The following SPIRE1 variants were observed in gnomAD, a reference collection of about 807,000 sequenced individuals.
SPIRE1 encodes protein spire homolog 1.
In SPIRE1, 40 loss-of-function variants were observed where a neutral mutation model predicts 94.1. The ratio of observed to expected loss-of-function variants is 0.43; its 90% CI spans 0.33 to 0.55. The LOEUF is 0.55. Ranked by LOEUF, SPIRE1 falls within the 20% of genes least tolerant of loss-of-function variation. The pLI is 0.06. For missense variants in SPIRE1, 838 were observed against 975.2 expected (o/e 0.86, Z 1.87); for synonymous variants, 376 against 371.7 (o/e 1.01, Z -0.13).
chr18:12,642,198 C>G (rs577558463), intron 1 of SPIRE1, among the ~76,000 whole-genome samples: 1 of 152,292 alleles, frequency 6.6e-6, no homozygotes, highest in African/African-American at 2.4e-5. Context: ...GTTTGTGTGA[C>G]AGGCACTCTC....
intron 3 of SPIRE1, 56 bp downstream of exon 3, chr18:12,546,614 AAAAG>A (rs1236717755): frequency 3.0e-6 from 4 of 1,348,870 alleles, no homozygotes; most frequent in Non-Finnish European, 4.2e-6. Context: ...GGGGGGAAAA[AAAAG>A]AAGAAGAAAT....
chr18:12,530,785 G>A (rs984074100), intron 4 of SPIRE1, among the ~76,000 whole-genome samples: 5 of 152,048 alleles, frequency 3.3e-5, no homozygotes, highest in Admixed American at 1.3e-4. Flanking sequence ...TGAGTTATTT[G>A]CTTTAAAGAA....
intron 13 of SPIRE1, among the ~76,000 whole-genome samples, chr18:12,453,624 T>A (rs1051503563): frequency 6.6e-6 from 1 of 151,138 alleles, no homozygotes; most frequent in African/African-American, 2.4e-5. Context: ...TTAGTAGAGA[T>A]GGGGTTTCAC....
intron 9 of SPIRE1, among the ~76,000 whole-genome samples, chr18:12,481,443 TTTC>T (rs1158432820): frequency 2.0e-5 from 3 of 152,094 alleles, no homozygotes; most frequent in Non-Finnish European, 4.4e-5. Flanking sequence ...ATGTAAATTA[TTTC>T]TTATTACAAA....
chr18:12,476,218 T>A (rs1452479153), intron 10 of SPIRE1, among the ~76,000 whole-genome samples: 1 of 152,174 alleles, frequency 6.6e-6, no homozygotes, highest in African/African-American at 2.4e-5. Context: ...TTATCTGTGT[T>A]TTCTAAATGT....
At chr18:12,528,654 C>T (rs1183347474) in intron 4 of SPIRE1, among the ~76,000 whole-genome samples, 2 of 152,088 alleles carry the variant, frequency 1.3e-5, no homozygotes, top group African/African-American at 2.4e-5. Context: ...TTACACTTTC[C>T]ACCTACAAGT....
intron 4 of SPIRE1, among the ~76,000 whole-genome samples, chr18:12,514,158 T>C (rs950611650): frequency 6.6e-5 from 10 of 152,158 alleles, no homozygotes; most frequent in African/African-American, 2.4e-4. Context: ...TACTATTTCT[T>C]CCCACTCCAG....
chr18:12,453,800 T>C (rs1416870429), intron 13 of SPIRE1, among the ~76,000 whole-genome samples: 1 of 152,062 alleles, frequency 6.6e-6, no homozygotes, highest in Non-Finnish European at 1.5e-5. Flanking sequence ...ATGGCTTTTT[T>C]ATTGAGACGG....
intron 7 of SPIRE1, among the ~76,000 whole-genome samples, chr18:12,494,252 T>C (rs2143873788): frequency 6.6e-6 from 1 of 152,290 alleles, no homozygotes; most frequent in Middle Eastern, 3.4e-3. Flanking sequence ...ACTAACATTT[T>C]TTAGTAACCA....
At chr18:12,636,559 A>G (rs1462580016) in intron 1 of SPIRE1, among the ~76,000 whole-genome samples, 2 of 151,956 alleles carry the variant, frequency 1.3e-5, no homozygotes, top group African/African-American at 4.8e-5. Flanking sequence ...GACAACCACA[A>G]CTCCTCATCT....
chr18:12,561,173 G>A (rs1268727068), intron 2 of SPIRE1, among the ~76,000 whole-genome samples: 1 of 151,984 alleles, frequency 6.6e-6, no homozygotes, highest in African/African-American at 2.4e-5. Context: ...AAGAAAAATA[G>A]TTTGGCTATC....
chr18:12,450,004 A>C, intron 16 of SPIRE1, 108 bp from the exon 17 acceptor site: 1 of 1,130,470 alleles, frequency 8.8e-7, no homozygotes, highest in South Asian at 1.6e-5. Context: ...ACATCATGGA[A>C]TGGATGAGTG....
At chr18:12,477,731 C>T (rs2032658423) in intron 10 of SPIRE1, among the ~76,000 whole-genome samples, 1 of 152,100 alleles carries the variant, frequency 6.6e-6, no homozygotes, top group Admixed American at 6.6e-5. Context: ...CAAAGCGAGG[C>T]CACGCTGACT....
chr18:12,500,482 G>C (rs2033616083), intron 6 of SPIRE1, among the ~76,000 whole-genome samples: 3 of 152,252 alleles, frequency 2.0e-5, no homozygotes, highest in African/African-American at 7.2e-5. Context: ...GCAAGGATGG[G>C]AGAAACTGGG....
At chr18:12,592,054 G>C (rs577685336) in intron 2 of SPIRE1, among the ~76,000 whole-genome samples, 1 of 150,716 alleles carries the variant, frequency 6.6e-6, no homozygotes, top group South Asian at 2.1e-4. Flanking sequence ...ATATTCCATT[G>C]ATATCTAAGT....
At chr18:12,457,845 TC>T (rs2031590363) in intron 12 of SPIRE1, among the ~76,000 whole-genome samples, 3 of 143,594 alleles carry the variant, frequency 2.1e-5, no homozygotes. Flanking sequence ...TTTTCTTTTT[TC>T]TTTTTTTTTT....
intron 9 of SPIRE1, among the ~76,000 whole-genome samples, chr18:12,483,626 G>A (rs1451092163): frequency 6.6e-6 from 1 of 152,152 alleles, no homozygotes; most frequent in Non-Finnish European, 1.5e-5. Context: ...CATAAGTGAT[G>A]TTGAATAGGT....
chr18:12,524,145 T>A (rs539496287), intron 4 of SPIRE1, among the ~76,000 whole-genome samples: 10 of 152,374 alleles, frequency 6.6e-5, no homozygotes, highest in Middle Eastern at 3.4e-3. Flanking sequence ...AGTTTCTCTA[T>A]ATGTATTGGA....
chr18:12,490,244 A>G (rs1259658561), intron 8 of SPIRE1, among the ~76,000 whole-genome samples: 3 of 152,202 alleles, frequency 2.0e-5, no homozygotes, highest in African/African-American at 7.2e-5. Flanking sequence ...TAATTATTCT[A>G]AAGTAGGGTT....
Sources: allele counts gnomAD v4.1 joint callset (sites outside exome capture counted in the v4.1 genomes callset), GRCh38; gene constraint gnomAD v4.1.1; transcripts MANE v1.5; gene names NCBI Gene and HGNC (gene_info 2026-07-23, HGNC 2026-07-21).